Variants in SRCIN1 observed in about 807,000 individuals in gnomAD.
SRCIN1 encodes P130Cas-associated protein.
A neutral mutation model predicts 116.2 loss-of-function variants in SRCIN1; 50 were observed. The ratio of observed to expected loss-of-function variants is 0.43; its 90% CI spans 0.34 to 0.54. SRCIN1 has a LOEUF of 0.54. SRCIN1 is among the 20% of genes least tolerant of loss of function. The probability of loss-of-function intolerance (pLI) is 0.02; values close to 1 mark genes in which losing one functional copy is unlikely to be tolerated. For synonymous variants in SRCIN1, 736 were observed against 750.0 expected, an observed-to-expected ratio of 0.98 and a Z score of 0.30; for missense variants, 1,446 against 1,672.0, an observed-to-expected ratio of 0.86 and a Z score of 2.36.
In SRCIN1 at chr17:38,564,611, A is replaced by C. The variant is rs560038353; in HGVS notation, c.346-298T>G. Among the ~76,000 whole-genome samples, 50 of 152,156 alleles carry C rather than the reference A, an allele frequency of 3.3e-4. 1 individual carries two copies. The South Asian group carries it at 0.01, about 31-fold the overall frequency. ...GAGCCATGGGCACGGCTGCTATTTC[A>C]GGCTTCCGAAGAACAACACAAATTT... On this transcript the variant is annotated intron_variant, in intron 3 of 18. Transcript: ENST00000617146.
intron 1 of SRCIN1, among the ~76,000 whole-genome samples, chr17:38,582,733 C>T (rs181999820): frequency 5.8e-4 from 89 of 152,280 alleles, no homozygotes; most frequent in Admixed American, 9.1e-4. Context: ...AGATCCTTGG[C>T]TTTTATATAA....
In SRCIN1 at chr17:38,558,239, G is replaced by A. The variant is rs750835876; in HGVS notation, c.2189C>T (p.Thr730Ile). The change falls in exon 11 of 19, where the codon ACC (threonine) becomes ATC (isoleucine). Residue 730 changes from threonine to isoleucine, a missense_variant. Coordinates refer to ENST00000617146, the MANE Select transcript of SRCIN1 (RefSeq NM_025248.3). This position sits in a 1 kb window ranked among gnomAD's most constrained non-coding sequence, Gnocchi z 4.6. ...LRYLNDEELI[T>I]QQLNDLEKSV... ...GGCCCAGCCTCACTTGAGCTGCTGG[G>A]TAATAAGCTCCTCGTCGTTGAGATA... 7 of 1,612,892 alleles carry A rather than the reference G, an allele frequency of 4.3e-6. No homozygotes were observed. Among genetic ancestry groups the A allele is most frequent in the Middle Eastern group, 1.7e-4 (1 of 6,058 alleles).
rs1253751738 is a variant in SRCIN1, at chr17:38,604,618, TG to T, written c.22+1065del. On this transcript the variant is annotated intron_variant, in intron 1 of 18. Coordinates refer to ENST00000617146, the MANE Select transcript of SRCIN1 (RefSeq NM_025248.3). The surrounding 1 kb of genome is among the most constrained non-coding windows in gnomAD (Gnocchi z 4.3). ...AGGGCTGCATGGGGACGCGTGGGGC[TG>T]GGGGACGAGCACCAGCAGCCGCACA... 1 of 433,190 alleles carries T rather than the reference TG, an allele frequency of 2.3e-6. No individual in the cohort carries two copies. The highest frequency in any genetic ancestry group is 4.6e-6 in the Non-Finnish European group (1 of 216,410). The allele number at this position is 433,190 out of a possible 1,614,324, so 26.8% of individuals were successfully genotyped here.
Position 38,551,405 on chromosome 17 carries a change from G to C in SRCIN1, c.2728-16C>G, listed in dbSNP as rs775369245. On this transcript the variant is annotated splice_polypyrimidine_tract_variant and intron_variant, in intron 14 of 18. Coordinates refer to ENST00000617146, the MANE Select transcript of SRCIN1 (RefSeq NM_025248.3). ...GCTCTGCAGCCTTAACAGGGAGCCA[G>C]GAGTCAGGATTGAGGTAGCTCTCCT... 1.2e-5 allele frequency: 19 copies of C among 1,588,578 alleles called. No individual in the cohort carries two copies. Among genetic ancestry groups the C allele is most frequent in the South Asian group, 3.4e-5 (3 of 87,926 alleles).
At chr17:38,596,471 GGACA>G (rs1908737935) in intron 1 of SRCIN1, among the ~76,000 whole-genome samples, 1 of 152,144 alleles carries the variant, frequency 6.6e-6, no homozygotes. Context: ...TGGGTTCCCA[GGACA>G]GACAGCCAAC....
At chr17:38,559,463 G>A (rs760068788) in intron 10 of SRCIN1, 122 bp downstream of exon 10, 1 of 1,031,438 alleles carries the variant, frequency 9.7e-7, no homozygotes, top group Non-Finnish European at 1.4e-6. Flanking sequence ...GAGCGGCGAA[G>A]GACTCGGGCG....
chr17:38,560,339 G>A lies in SRCIN1; in HGVS notation c.1787C>T (p.Thr596Ile). 1 of 1,608,854 alleles carries A rather than the reference G, an allele frequency of 6.2e-7. No homozygotes were observed. The highest frequency in any genetic ancestry group is 8.5e-7 in the Non-Finnish European group (1 of 1,177,642). The stretch of plus-strand genomic sequence containing the variant: ...GTTGGGAGAGGGGCCTCACCTGGGG[G>A]TCTCAGGCTCAGAGCCTCGCAGTAA... ...SALLRGSEPE[T>I]PSEKIEGSNG... The change falls in exon 8 of 19, where the codon ACC becomes ATC. Residue 596 changes from threonine (T) to isoleucine (I), a missense_variant. By Grantham distance (89) the Thr-to-Ile change is moderately conservative (BLOSUM62 -1). Around this residue, in one of 5 missense-constraint regions of SRCIN1, gnomAD observed 398 missense variants for 385.6 expected, o/e 1.03. Transcript: ENST00000617146.
rs1175077665 is a variant in SRCIN1 at position 38,562,240 on chromosome 17, G to A, written c.923C>T (p.Pro308Leu). Residue 308 changes from proline to leucine, a missense_variant, in exon 7 of 19, where the codon CCG becomes CTG. Around this residue, in one of 5 missense-constraint regions of SRCIN1, gnomAD observed 239 missense variants for 317.7 expected, o/e 0.75. Coordinates refer to ENST00000617146, the MANE Select transcript of SRCIN1 (RefSeq NM_025248.3). The surrounding 1 kb of genome is among the most constrained non-coding windows in gnomAD (Gnocchi z 4.2). ...SPAPHLASGS[P>L]PPGLPSGLPS... ...CAGCCCCGACGGCAGCCCGGGCGGC[G>A]GCGAGCCGGATGCCAGGTGCGGCGC... 1.2e-5 allele frequency: 17 copies of A among 1,457,784 alleles called. No individual in the cohort carries two copies. The highest frequency in any genetic ancestry group is 1.5e-5 in the African/African-American group (1 of 67,236). The allele number at this position is 1,457,784 out of a possible 1,614,324, so 90.3% of individuals were successfully genotyped here.
intron 1 of SRCIN1, among the ~76,000 whole-genome samples, chr17:38,583,366 C>G (rs1907924886): frequency 6.6e-6 from 1 of 152,116 alleles, no homozygotes; most frequent in Non-Finnish European, 1.5e-5. Context: ...TGAGCCACCA[C>G]ACACACCCAG....
chr17:38,588,141 G>A (rs538256233), intron 1 of SRCIN1, among the ~76,000 whole-genome samples: 9 of 152,132 alleles, frequency 5.9e-5, no homozygotes, highest in African/African-American at 1.9e-4. Flanking sequence ...GCAGACTGCA[G>A]AGCCTGGGTG....
At chr17:38,596,580 T>C (rs1908743299) in intron 1 of SRCIN1, among the ~76,000 whole-genome samples, 1 of 152,118 alleles carries the variant, frequency 6.6e-6, no homozygotes, top group African/African-American at 2.4e-5. Flanking sequence ...GCCTCCTTCA[T>C]GCCAGGTTAT....
chr17:38,572,136 G>A lies in SRCIN1; in HGVS notation c.325-3905C>T, dbSNP rs1009816602. ...TCCAAGGAGGGAGGGCAACCCACGG[G>A]TCCACACCGGCTCCTTAATCCCCTG... On this transcript the variant is annotated intron_variant, in intron 2 of 18. Coordinates refer to ENST00000617146, the MANE Select transcript of SRCIN1 (RefSeq NM_025248.3). This position sits in a 1 kb window ranked among gnomAD's most constrained non-coding sequence, Gnocchi z 4.3. Among the ~76,000 whole-genome samples, 1 of 152,186 alleles carries A rather than the reference G, an allele frequency of 6.6e-6. No individual in the cohort carries two copies. The highest frequency in any genetic ancestry group is 2.1e-4 in the South Asian group (1 of 4,822).
rs1476515040 is a variant in SRCIN1, at chr17:38,560,083, C to T, written c.1808G>A (p.Gly603Asp). The change falls in exon 9 of 19, where the codon GGC (glycine) becomes GAC (aspartate). Residue 603 changes from glycine (G) to aspartate (D), a missense_variant. Around this residue, in one of 5 missense-constraint regions of SRCIN1, gnomAD observed 398 missense variants for 385.6 expected, o/e 1.03. Transcript: ENST00000617146. ...EPETPSEKIE[G>D]SNGAATPSAP... ...TGAGGGGGTGGCTGCTCCATTGGAG[C>T]CTTCAATCTTCTCGCTGTGGCACAG... 1.3e-6 allele frequency: 2 copies of T among 1,554,264 alleles called. No individual in the cohort carries two copies. The highest frequency in any genetic ancestry group is 1.7e-6 in the Non-Finnish European group (2 of 1,149,112).
In SRCIN1 at chr17:38,533,157, A is replaced by G. The variant is rs2144872196; in HGVS notation, c.*140T>C. ...AGATGATGGGTAGGGGTCGCTGAGGAGGGCCGCACCCTCCTCTTCAGGGCA... is the reference window on the plus strand; with the variant it reads ...AGATGATGGGTAGGGGTCGCTGAGGGGGGCCGCACCCTCCTCTTCAGGGCA... On this transcript the variant is annotated 3_prime_UTR_variant, in exon 19 of 19. Transcript: ENST00000617146. 8.1e-6 allele frequency: 6 copies of G among 744,392 alleles called. No homozygotes were observed. The highest frequency in any genetic ancestry group is 5.2e-5 in the East Asian group (1 of 19,368). 46.1% of individuals were successfully genotyped at this position (744,392 alleles called of 1,614,324 possible).
chr17:38,543,194 C>T, intron 18 of SRCIN1: 1 of 456,722 alleles, frequency 2.2e-6, no homozygotes, highest in Non-Finnish European at 4.4e-6. Flanking sequence ...TTCCTGAGGG[C>T]CAAAGTGCCT....
chr17:38,590,898 C>G (rs1014091719), intron 1 of SRCIN1, among the ~76,000 whole-genome samples: 2 of 152,206 alleles, frequency 1.3e-5, no homozygotes, highest in African/African-American at 4.8e-5. Context: ...AAGAAGAGAA[C>G]GCTGAAACAA....
intron 18 of SRCIN1, among the ~76,000 whole-genome samples, chr17:38,536,262 T>C (rs1909692335): frequency 6.6e-6 from 1 of 152,242 alleles, no homozygotes; most frequent in African/African-American, 2.4e-5. Flanking sequence ...CGTCCAGCTG[T>C]GCCCGGTGAC....
In SRCIN1 at chr17:38,578,287, C is replaced by A. The variant is rs755734795; in HGVS notation, c.324+203G>T. ...AGGTCTGGGGGCCAAGCCCCCACCCCCTTCCTCCCCAGGCTCCAGAAAAGG... is the reference window on the plus strand; with the variant it reads ...AGGTCTGGGGGCCAAGCCCCCACCCACTTCCTCCCCAGGCTCCAGAAAAGG... On this transcript the variant is annotated intron_variant, in intron 2 of 18. Transcript: ENST00000617146. Among the ~76,000 whole-genome samples the A allele has an allele frequency of 3.9e-5, 6 of 152,236 alleles. No homozygotes were observed. In the East Asian group the frequency reaches 7.7e-4, roughly 20 times the overall value.
At chr17:38,589,944 C>T (rs562544358) in intron 1 of SRCIN1, among the ~76,000 whole-genome samples, 9 of 152,278 alleles carry the variant, frequency 5.9e-5, no homozygotes, top group South Asian at 2.1e-4. Context: ...CTTGGCAAGT[C>T]GGCTTGGCCT....
Sources: allele counts gnomAD v4.1 joint callset (sites outside exome capture counted in the v4.1 genomes callset), GRCh38; gene constraint gnomAD v4.1.1; regional missense constraint gnomAD v4.1.1; non-coding constraint Gnocchi (gnomAD v3.1); transcripts MANE v1.5; gene names NCBI Gene and HGNC (gene_info 2026-07-23, HGNC 2026-07-21).